Variants in NLRP9 observed in about 807,000 individuals in gnomAD.
NLRP9 encodes the protein NACHT, LRR and PYD domains-containing protein 9.
In NLRP9, 88 loss-of-function variants were observed where a neutral mutation model predicts 83.1. The ratio of observed to expected loss-of-function variants is 1.06; its 90% confidence interval spans 0.89 to 1.26. The LOEUF is 1.26. Ranked by LOEUF, NLRP9 falls within the 50% of genes most tolerant of loss-of-function variation. NLRP9 has a pLI of 0.00. For missense variants in NLRP9, 1,308 were observed against 1,179.3 expected (o/e 1.11, Z -1.60); for synonymous variants, 521 against 447.6 (o/e 1.16, Z -2.07).
chr19:55,721,418 G>A (rs1262798621), intron 4 of NLRP9, among the ~76,000 whole-genome samples: 2 of 152,162 alleles, frequency 1.3e-5, no homozygotes, highest in East Asian at 3.8e-4. Flanking sequence ...CAGGGCCACT[G>A]CACAGTATTA....
At position 55,733,520 on chromosome 19, in the gene NLRP9, T is replaced by A. The variant is rs1988672849; in HGVS notation, c.311A>T (p.Lys104Met). 1 of 1,599,908 alleles carries A rather than the reference T, an allele frequency of 6.3e-7. No homozygotes were observed. The highest frequency in any genetic ancestry group is 8.5e-7 in the Non-Finnish European group (1 of 1,172,880). ...NKLNPYRKHM[K>M]ETFQLIWEKE... Reference sequence around the variant, plus strand: ...CTCCCATATGAGTTGAAATGTTTCCTTCATATGCTTTCTGTATGGGTTTAG... The same window carrying A: ...CTCCCATATGAGTTGAAATGTTTCCATCATATGCTTTCTGTATGGGTTTAG... Residue 104 changes from lysine to methionine, a missense_variant, in exon 2 of 9, where the codon AAG (lysine) becomes ATG (methionine). Physicochemically the swap from Lys to Met is moderately conservative, Grantham distance 95. Transcript: ENST00000332836.
rs148511077 is a variant in NLRP9, at chr19:55,711,948, G to T, written c.2695C>A (p.Arg899Ser). ...GCGGCGATGTCGTCGCAGCAGGCAC[G>T]GGTGATCGGACACGTTTGCAGCCTG... ...CLGLQTCPIT[R>S]ACCDDIAAAL... The change falls in exon 8 of 9, where the codon CGT (arginine) becomes AGT (serine). Residue 899 changes from arginine to serine, a missense_variant. Physicochemically the swap from Arg to Ser is moderately radical, Grantham distance 110. Transcript: ENST00000332836. 6.2e-7 allele frequency: 1 copy of T among 1,613,014 alleles called. No homozygotes were observed. Among genetic ancestry groups the T allele is most frequent in the Non-Finnish European group, 8.5e-7 (1 of 1,179,914 alleles).
At chr19:55,713,587 C>T (rs1181033967) in intron 6 of NLRP9, among the ~76,000 whole-genome samples, 2 of 140,548 alleles carry the variant, frequency 1.4e-5, no homozygotes, top group African/African-American at 2.6e-5. Flanking sequence ...CTCCCTCCTC[C>T]CCTCCTCCTC....
Position 55,716,827 on chromosome 19 carries a change from A to G in NLRP9, c.2231T>C (p.Leu744Pro). The G allele has an allele frequency of 1.2e-6, 2 of 1,613,900 alleles. No individual in the cohort carries two copies. Among genetic ancestry groups the G allele is most frequent in the Non-Finnish European group, 1.7e-6 (2 of 1,179,902 alleles). ...IASVLACNSK[L>P]KHLSLVENPL... ...ATTTTCTACCAAGGAGAGGTGTTTCAGCTTGCTGTTGCAGGCCAGGACGGA... is the reference window on the plus strand; with the variant it reads ...ATTTTCTACCAAGGAGAGGTGTTTCGGCTTGCTGTTGCAGGCCAGGACGGA... Residue 744 changes from leucine to proline, a missense_variant, in exon 5 of 9, where the codon CTG becomes CCG. Coordinates refer to ENST00000332836, the MANE Select transcript of NLRP9 (RefSeq NM_176820.4).
chr19:55,726,093 G>T (rs570390157), intron 3 of NLRP9, among the ~76,000 whole-genome samples: 2 of 151,898 alleles, frequency 1.3e-5, no homozygotes, highest in African/African-American at 2.4e-5. Context: ...AGCGGGAGGT[G>T]GTGGCAAAAA....
In NLRP9 at chr19:55,708,995, C is replaced by A; in HGVS notation, c.2893G>T (p.Val965Leu). ...DEETQKILMS[V>L]EEKIPHLTIS... is the part of the protein sequence containing the mutation. The stretch of plus-strand genomic sequence containing the variant: ...GTCAGATGGGGAATTTTTTCTTCCA[C>A]AGACATCAGGATCTTCTGAGTTTCT... Residue 965 changes from valine to leucine, a missense_variant, in exon 9 of 9, where the codon GTG (valine) becomes TTG (leucine). By Grantham distance (32) the Val-to-Leu change is conservative (BLOSUM62 1). Coordinates refer to ENST00000332836, the MANE Select transcript of NLRP9 (RefSeq NM_176820.4). 1 of 1,594,694 alleles carries A rather than the reference C, an allele frequency of 6.3e-7. No individual in the cohort carries two copies. The highest frequency in any genetic ancestry group is 8.5e-7 in the Non-Finnish European group (1 of 1,172,666).
intron 4 of NLRP9, among the ~76,000 whole-genome samples, chr19:55,717,999 A>C (rs1443857688): frequency 1.3e-5 from 2 of 152,112 alleles, no homozygotes; most frequent in Non-Finnish European, 2.9e-5. Flanking sequence ...ACTAAGAAAA[A>C]CTGTTCTGTT....
chr19:55,710,316 G>A (rs1987659474), intron 8 of NLRP9, among the ~76,000 whole-genome samples: 1 of 152,014 alleles, frequency 6.6e-6, no homozygotes, highest in Admixed American at 6.6e-5. Flanking sequence ...CCCTTTCTCT[G>A]CTATACAGCT....
chr19:55,731,768 C>T (rs1327177356), intron 2 of NLRP9, among the ~76,000 whole-genome samples: 1 of 150,756 alleles, frequency 6.6e-6, no homozygotes, highest in Non-Finnish European at 1.5e-5. Context: ...CTTAATCTCA[C>T]ACGAGCCCTA....
chr19:55,717,683 C>T (rs559352694), intron 4 of NLRP9, among the ~76,000 whole-genome samples: 17 of 152,260 alleles, frequency 1.1e-4, no homozygotes, highest in South Asian at 2.1e-4. Context: ...CTTCTGTGGC[C>T]GGAGACGGGA....
chr19:55,731,876 GCTTT>G (rs1295636419), intron 2 of NLRP9, 119 bp downstream of exon 2: 2 of 617,046 alleles, frequency 3.2e-6, no homozygotes, highest in South Asian at 2.4e-5. Context: ...CGAAAGGAAG[GCTTT>G]CTGACTCCGA....
intron 3 of NLRP9, among the ~76,000 whole-genome samples, chr19:55,729,253 T>A (rs4801619): frequency 6.6e-6 from 1 of 151,160 alleles, no homozygotes; most frequent in Non-Finnish European, 1.5e-5. Flanking sequence ...TTTTTTATTA[T>A]ACTTTAAGTT....
At chr19:55,731,850 C>T (rs1988580817) in intron 2 of NLRP9, 149 bp downstream of exon 2, 1 of 572,246 alleles carries the variant, frequency 1.7e-6, no homozygotes, top group Non-Finnish European at 3.1e-6. Context: ...CATGATCCCA[C>T]AGCAGTGCCA....
In NLRP9 at chr19:55,738,073, C is replaced by T. The variant is rs78925426; in HGVS notation, c.280+22G>A. Reference sequence around the variant, plus strand: ...TTCCCAGGCTTCCCCCATGGGTCCTCGCCCCATCATCCAGCACTTACTTCT... The same window carrying T: ...TTCCCAGGCTTCCCCCATGGGTCCTTGCCCCATCATCCAGCACTTACTTCT... On this transcript the variant is annotated intron_variant, in intron 1 of 8. Coordinates refer to ENST00000332836, the MANE Select transcript of NLRP9 (RefSeq NM_176820.4). 8,545 of 1,611,708 alleles carry T rather than the reference C, an allele frequency of 5.3e-3. 159 individuals carry two copies. In the East Asian group the frequency reaches 0.072, roughly 14 times the overall value.
intron 4 of NLRP9, among the ~76,000 whole-genome samples, chr19:55,717,257 T>C (rs984597128): frequency 3.3e-5 from 5 of 152,152 alleles, no homozygotes; most frequent in African/African-American, 1.2e-4. Flanking sequence ...GGTCTCGAAC[T>C]CCTGACCTCA....
At chr19:55,728,723 G>C (rs533689184) in intron 3 of NLRP9, among the ~76,000 whole-genome samples, 1 of 152,142 alleles carries the variant, frequency 6.6e-6, no homozygotes, top group African/African-American at 2.4e-5. Context: ...ATAATTCAAC[G>C]CAATAACTCT....
At chr19:55,712,774 G>A (rs1269501526) in intron 6 of NLRP9, among the ~76,000 whole-genome samples, 184 bp from the exon 7 acceptor site, 1 of 92,314 alleles carries the variant, frequency 1.1e-5, no homozygotes, top group African/African-American at 4.6e-5. Context: ...CGGGAGGGTG[G>A]GAGAATGAGG....
intron 5 of NLRP9, among the ~76,000 whole-genome samples, chr19:55,716,196 A>T (rs1202687082): frequency 1.3e-5 from 2 of 152,052 alleles, no homozygotes; most frequent in Admixed American, 1.3e-4. Flanking sequence ...CAGTGTATGC[A>T]TATATCAGAA....
chr19:55,732,935 C>A lies in NLRP9; in HGVS notation c.896G>T (p.Ser299Ile). 6.2e-7 allele frequency: 1 copy of A among 1,614,096 alleles called. No individual in the cohort carries two copies. The highest frequency in any genetic ancestry group is 8.5e-7 in the Non-Finnish European group (1 of 1,180,004). ...GAAATACGACTTCTTTTCAGATTCA[C>A]TGAATCCTAAGAGCTTTATGAGTTT... ...HPKLIKLLGF[S>I]ESEKKSYFSY... is the part of the protein sequence containing the mutation. The change falls in exon 2 of 9, where the codon AGT becomes ATT. Residue 299 changes from serine to isoleucine, a missense_variant. By Grantham distance (142) the Ser-to-Ile change is moderately radical (BLOSUM62 -2). Coordinates refer to ENST00000332836, the MANE Select transcript of NLRP9 (RefSeq NM_176820.4).
Sources: gnomAD v4.1 joint callset for allele counts (sites outside exome capture counted in the v4.1 genomes callset) on GRCh38, gnomAD v4.1.1 for gene constraint, MANE v1.5 for transcripts, NCBI Gene and HGNC (gene_info 2026-07-23, HGNC 2026-07-21) for gene names.